Variants in HPSE2 observed in about 807,000 individuals in gnomAD.
The protein encoded by HPSE2 is inactive heparanase-2.
In HPSE2, 38 loss-of-function variants were observed where a neutral mutation model predicts 60.5. That is an observed-to-expected ratio of 0.63 (90% confidence interval 0.48 to 0.82). HPSE2 has a LOEUF of 0.82. Ranked by LOEUF, HPSE2 falls within the 40% of genes least tolerant of loss-of-function variation. The pLI is 0.00. For missense variants in HPSE2, 713 were observed against 740.4 expected (o/e 0.96, Z 0.43); for synonymous variants, 295 against 293.2 (o/e 1.01, Z -0.06).
At chr10:99,279,102 G>GA in the HPSE2 span, among the ~76,000 whole-genome samples, 1 of 151,162 alleles carries the variant, frequency 6.6e-6, no homozygotes. Flanking sequence ...TTTATCATCA[G>GA]AAAAAAAAAA....
At chr10:99,081,164 A>G (rs535143547) in intron 3 of HPSE2, among the ~76,000 whole-genome samples, 1 of 152,358 alleles carries the variant, frequency 6.6e-6, no homozygotes, top group South Asian at 2.1e-4. Flanking sequence ...ATCCGAAGGT[A>G]AAGTAAAAAA....
chr10:98,981,441 C>T (rs997153419), intron 3 of HPSE2, among the ~76,000 whole-genome samples: 8 of 152,150 alleles, frequency 5.3e-5, no homozygotes, highest in African/African-American at 1.7e-4. Flanking sequence ...TTAACATCCT[C>T]ATCTAAAAAG....
At chr10:99,061,511 T>C (rs1564774799) in intron 3 of HPSE2, among the ~76,000 whole-genome samples, 1 of 152,254 alleles carries the variant, frequency 6.6e-6, no homozygotes, top group Non-Finnish European at 1.5e-5. Flanking sequence ...TATGCTTAAA[T>C]TCCAGCACTG....
chr10:98,848,409 C>T (rs969679357), intron 3 of HPSE2, among the ~76,000 whole-genome samples: 2 of 149,762 alleles, frequency 1.3e-5, no homozygotes, highest in African/African-American at 4.9e-5. Flanking sequence ...CAGATTGAGA[C>T]TCTGTCTAAA....
intron 6 of HPSE2, among the ~76,000 whole-genome samples, chr10:98,642,204 T>C (rs1178240240): frequency 6.6e-6 from 1 of 152,204 alleles, no homozygotes; most frequent in African/African-American, 2.4e-5. Flanking sequence ...CTTGCTGGAA[T>C]TGATGGAAAT....
intron 9 of HPSE2, 151 bp from the exon 10 acceptor site, chr10:98,490,347 A>T: frequency 1.0e-6 from 1 of 971,212 alleles, no homozygotes; most frequent in Non-Finnish European, 1.6e-6. Flanking sequence ...TGCAGCCCTA[A>T]GCCTACAAGC....
At chr10:98,536,413 T>G (rs1489720795) in intron 9 of HPSE2, among the ~76,000 whole-genome samples, 3 of 152,178 alleles carry the variant, frequency 2.0e-5, no homozygotes, top group Non-Finnish European at 4.4e-5. Flanking sequence ...GAGGTGATGC[T>G]GGAAAGAGAG....
At chr10:98,677,683 G>C (rs967480123) in intron 6 of HPSE2, among the ~76,000 whole-genome samples, 1 of 152,158 alleles carries the variant, frequency 6.6e-6, no homozygotes, top group African/African-American at 2.4e-5. Context: ...AGGCCTATTT[G>C]ACTTGAAAGA....
chr10:98,662,032 C>G (rs958996666), intron 6 of HPSE2, among the ~76,000 whole-genome samples: 9 of 152,138 alleles, frequency 5.9e-5, no homozygotes, highest in Non-Finnish European at 1.3e-4. Flanking sequence ...GTAGCTGGGA[C>G]TACAGGCGCG....
intron 2 of HPSE2, among the ~76,000 whole-genome samples, chr10:99,175,834 C>T (rs1465578223): frequency 1.3e-5 from 2 of 152,194 alleles, no homozygotes; most frequent in Non-Finnish European, 1.5e-5. Context: ...TGGGAGACAC[C>T]TTTCAGCAGG....
At chr10:98,954,372 A>AG (rs2135205986) in intron 3 of HPSE2, among the ~76,000 whole-genome samples, 1 of 152,260 alleles carries the variant, frequency 6.6e-6, no homozygotes, top group South Asian at 2.1e-4. Flanking sequence ...CAGGAAAGTG[A>AG]GGGGAAGTCC....
intron 9 of HPSE2, among the ~76,000 whole-genome samples, chr10:98,560,047 A>G (rs1485686740): frequency 6.6e-6 from 1 of 152,178 alleles, no homozygotes; most frequent in Non-Finnish European, 1.5e-5. Context: ...AGGCCTCACT[A>G]CAGACTTTAC....
intron 2 of HPSE2, among the ~76,000 whole-genome samples, chr10:99,191,323 G>A (rs1848214922): frequency 6.6e-6 from 1 of 151,950 alleles, no homozygotes; most frequent in Non-Finnish European, 1.5e-5. Flanking sequence ...TGCTATGCTG[G>A]TTTCAGGTCT....
chr10:99,048,188 A>G, intron 3 of HPSE2: 1 of 662,622 alleles, frequency 1.5e-6, no homozygotes, highest in Middle Eastern at 3.6e-4. Context: ...TAAATATGGC[A>G]TCATCTGCAC....
chr10:98,803,457 C>T (rs1950965594), intron 3 of HPSE2, among the ~76,000 whole-genome samples: 1 of 151,200 alleles, frequency 6.6e-6, no homozygotes, highest in Non-Finnish European at 1.5e-5. Flanking sequence ...GGTTTTAGGT[C>T]TAACGTTTAA....
chr10:98,579,638 A>G (rs1323539943), intron 9 of HPSE2, among the ~76,000 whole-genome samples: 1 of 152,122 alleles, frequency 6.6e-6, no homozygotes, highest in Non-Finnish European at 1.5e-5. Context: ...TAGCTTTCCA[A>G]GGCTGATAAT....
At chr10:98,628,540 C>T (rs776120181) in intron 7 of HPSE2, among the ~76,000 whole-genome samples, 1 of 152,104 alleles carries the variant, frequency 6.6e-6, no homozygotes, top group African/African-American at 2.4e-5. Context: ...GGGAGTAAGA[C>T]GTACAAATGC....
At chr10:98,632,473 G>C (rs1946389393) in intron 7 of HPSE2, among the ~76,000 whole-genome samples, 1 of 152,066 alleles carries the variant, frequency 6.6e-6, no homozygotes, top group African/African-American at 2.4e-5. Flanking sequence ...AAGGTTCATG[G>C]AATGACAATG....
chr10:98,903,472 A>T (rs1256538900), intron 3 of HPSE2, among the ~76,000 whole-genome samples: 2 of 152,050 alleles, frequency 1.3e-5, no homozygotes, highest in East Asian at 3.8e-4. Flanking sequence ...AAAGGCAAAA[A>T]ATGTATTCGG....
Sources: gnomAD v4.1 joint callset for allele counts (sites outside exome capture counted in the v4.1 genomes callset) on GRCh38, gnomAD v4.1.1 for gene constraint, MANE v1.5 for transcripts, NCBI Gene and HGNC (gene_info 2026-07-23, HGNC 2026-07-21) for gene names.